PPP4R4: variants seen among roughly 807,000 people sequenced by gnomAD.
PPP4R4 encodes the protein protein phosphatase 4 regulatory subunit 4.
Under a neutral mutation model 121.8 loss-of-function variants are expected in PPP4R4, and 70 were observed. That is an observed-to-expected ratio of 0.57 (90% CI 0.47 to 0.70). The LOEUF (loss-of-function observed/expected upper bound fraction) is 0.70. PPP4R4 is among the 30% of genes least tolerant of loss of function. The pLI, the probability that PPP4R4 is intolerant of heterozygous loss-of-function variation, is 0.00. For missense variants in PPP4R4, 875 were observed against 1,033.6 expected, an observed-to-expected ratio of 0.85 and a Z score of 2.10; for synonymous variants, 348 against 355.7, an observed-to-expected ratio of 0.98 and a Z score of 0.24.
intron 15 of PPP4R4, 25 bp from the exon 16 acceptor site, chr14:94,251,724 A>G: frequency 6.7e-7 from 1 of 1,499,118 alleles, no homozygotes; most frequent in Non-Finnish European, 8.9e-7. Context: ...AATTAACTTA[A>G]GATAATTTTT....
chr14:94,245,578 T>C lies in PPP4R4; in HGVS notation c.1345-9T>C. 1 of 1,489,320 alleles carries C rather than the reference T, an allele frequency of 6.7e-7. No individual in the cohort carries two copies. The highest frequency in any genetic ancestry group is 9.2e-7 in the Non-Finnish European group (1 of 1,081,622). The allele number at this position is 1,489,320 out of a possible 1,614,324, so 92.3% of individuals were successfully genotyped here. The stretch of plus-strand genomic sequence containing the variant: ...TCACTATAACAGTAATCAATATCTC[T>C]GTTAAAAGGTACTAGATGCTCTTAT... On this transcript the variant is annotated splice_polypyrimidine_tract_variant and intron_variant, in intron 12 of 24. Transcript: ENST00000304338.
chr14:94,235,557 G>A (rs1217532362), intron 7 of PPP4R4, among the ~76,000 whole-genome samples: 8 of 151,604 alleles, frequency 5.3e-5, no homozygotes, highest in East Asian at 1.9e-4. Flanking sequence ...CCACCACCAC[G>A]CCCGGCTAAT....
chr14:94,263,699 G>A (rs2139638336), intron 19 of PPP4R4, among the ~76,000 whole-genome samples: 1 of 152,286 alleles, frequency 6.6e-6, no homozygotes, highest in Middle Eastern at 3.4e-3. Context: ...AGGACTTCAA[G>A]ATAACTGTGA....
At chr14:94,227,516 A>G (rs1459908563) in intron 3 of PPP4R4, 3 of 1,333,740 alleles carry the variant, frequency 2.2e-6, no homozygotes, top group Non-Finnish European at 2.9e-6. Flanking sequence ...AGTCAGCACA[A>G]CAAGAGAAAA....
Position 94,265,367 on chromosome 14 carries a change from TA to T in PPP4R4, c.2198-17del. On this transcript the variant is annotated intron_variant, in intron 20 of 24. Coordinates refer to ENST00000304338, the MANE Select transcript of PPP4R4 (RefSeq NM_058237.2). Reference sequence around the variant, plus strand: ...AGGACTTAGAGGAAATTATACAACTTAAAGCAGAATTTATTTTAGGTAGAGA... The same window carrying T: ...AGGACTTAGAGGAAATTATACAACTTAAGCAGAATTTATTTTAGGTAGAGA... The T allele has an allele frequency of 6.4e-7, 1 of 1,560,928 alleles. No individual in the cohort carries two copies. The highest frequency in any genetic ancestry group is 8.8e-7 in the Non-Finnish European group (1 of 1,132,274).
At chr14:94,213,972 C>T (rs572848422) in intron 3 of PPP4R4, among the ~76,000 whole-genome samples, 17 of 152,316 alleles carry the variant, frequency 1.1e-4, no homozygotes, top group African/African-American at 3.4e-4. Context: ...AAATCACCCC[C>T]ATCTACCTTT....
In PPP4R4 at chr14:94,233,677, G is replaced by C. The variant is rs1243803076; in HGVS notation, c.541G>C (p.Ala181Pro). The C allele has an allele frequency of 6.3e-7, 1 of 1,596,768 alleles. No individual in the cohort carries two copies. The highest frequency in any genetic ancestry group is 8.5e-7 in the Non-Finnish European group (1 of 1,171,698). Residue 181 changes from alanine (A) to proline (P), a missense_variant, in exon 6 of 25, where the codon GCA becomes CCA. Physicochemically the swap from Ala to Pro is conservative, Grantham distance 27 (BLOSUM62 -1). Transcript: ENST00000304338. The part of the protein sequence containing the change: ...HEILNPLVSK[A>P]QLSQTVQSRL... ...GATTTTGAATCCACTTGTTTCCAAGGCACAACTTTCCCAAACAGTCCAGTC... is the reference window on the plus strand; with the variant it reads ...GATTTTGAATCCACTTGTTTCCAAGCCACAACTTTCCCAAACAGTCCAGTC...
intron 2 of PPP4R4, among the ~76,000 whole-genome samples, chr14:94,195,753 C>T (rs1333394364): frequency 1.3e-5 from 2 of 152,030 alleles, no homozygotes; most frequent in Admixed American, 6.6e-5. Flanking sequence ...CACTAGCTAA[C>T]CCAGTTTCTT....
intron 1 of PPP4R4, 80 bp from the exon 2 acceptor site, chr14:94,175,974 C>T: frequency 5.6e-6 from 6 of 1,076,542 alleles, no homozygotes; most frequent in South Asian, 1.2e-5. Context: ...CGTTTATCCT[C>T]ATAGAGGGTC....
chr14:94,234,675 T>C lies in PPP4R4; in HGVS notation c.731+6T>C, dbSNP rs1892231472. The stretch of plus-strand genomic sequence containing the variant: ...AATATAGCCCAGGGCATTGGGTAGG[T>C]ATACTTTGAATTCCTTATGCCATTT... On this transcript the variant is annotated splice_donor_region_variant and intron_variant, in intron 7 of 24. Transcript: ENST00000304338. 1 of 1,545,818 alleles carries C rather than the reference T, an allele frequency of 6.5e-7. No individual in the cohort carries two copies. The highest frequency in any genetic ancestry group is 1.1e-5 in the South Asian group (1 of 89,026).
Position 94,212,511 on chromosome 14 carries a change from A to C in PPP4R4, c.294+3945A>C, listed in dbSNP as rs59203013. On this transcript the variant is annotated intron_variant, in intron 3 of 24. Coordinates refer to ENST00000304338, the MANE Select transcript of PPP4R4 (RefSeq NM_058237.2). ...AGTTAGGCCACTCATCTGAAGGTTA[A>C]ATTTAGCTAGAAATTTAGAAAGGAA... 2.0e-3 allele frequency among the ~76,000 whole-genome samples: 300 copies of C among 152,262 alleles called. 1 individual carries two copies. Among genetic ancestry groups the C allele is most frequent in the African/African-American group, 6.9e-3 (285 of 41,542 alleles).
chr14:94,175,460 T>C (rs1481871876), intron 1 of PPP4R4: 1 of 153,088 alleles, frequency 6.5e-6, no homozygotes, highest in African/African-American at 2.4e-5. Context: ...CTCCAACCTT[T>C]AGCGCCAGCA....
intron 3 of PPP4R4, among the ~76,000 whole-genome samples, chr14:94,210,852 C>T (rs1003166178): frequency 6.6e-6 from 1 of 152,100 alleles, no homozygotes; most frequent in African/African-American, 2.4e-5. Flanking sequence ...TTTAATCACT[C>T]CCATTTCAAA....
intron 2 of PPP4R4, among the ~76,000 whole-genome samples, chr14:94,194,056 T>C (rs1191114996): frequency 6.6e-6 from 1 of 152,218 alleles, no homozygotes; most frequent in African/African-American, 2.4e-5. Flanking sequence ...TAAGAATACT[T>C]CAGTGGATTG....
intron 3 of PPP4R4, among the ~76,000 whole-genome samples, chr14:94,221,101 C>T (rs1185462530): frequency 3.9e-5 from 6 of 152,104 alleles, no homozygotes. Context: ...CACAAATTGT[C>T]AGTTTGTTTT....
intron 2 of PPP4R4, among the ~76,000 whole-genome samples, chr14:94,189,203 T>C (rs1163243302): frequency 6.6e-6 from 1 of 152,224 alleles, no homozygotes; most frequent in African/African-American, 2.4e-5. Flanking sequence ...TTGACCCTGA[T>C]AGTAACTAGC....
At chr14:94,207,800 GT>G (rs990936056) in intron 2 of PPP4R4, among the ~76,000 whole-genome samples, 2 of 151,294 alleles carry the variant, frequency 1.3e-5, no homozygotes. Flanking sequence ...TGTGGAAATG[GT>G]TTTTTTGGGA....
intron 11 of PPP4R4, among the ~76,000 whole-genome samples, chr14:94,242,718 A>G (rs1343735840): frequency 6.6e-6 from 1 of 152,156 alleles, no homozygotes; most frequent in Non-Finnish European, 1.5e-5. Flanking sequence ...CAGTTTTTAT[A>G]TGCTTTATAA....
chr14:94,253,545 A>G (rs1328819631), intron 16 of PPP4R4, among the ~76,000 whole-genome samples: 1 of 152,248 alleles, frequency 6.6e-6, no homozygotes, highest in Non-Finnish European at 1.5e-5. Context: ...TTTGTGAATT[A>G]AAATTGTGAT....
Sources: allele counts gnomAD v4.1 joint callset (sites outside exome capture counted in the v4.1 genomes callset), GRCh38; gene constraint gnomAD v4.1.1; transcripts MANE v1.5; gene names NCBI Gene and HGNC (gene_info 2026-07-23, HGNC 2026-07-21).